The following NKAIN2 variants were observed in gnomAD, a reference collection of about 807,000 sequenced individuals.
The protein encoded by NKAIN2 is sodium/potassium transporting ATPase interacting 2.
Under a neutral mutation model 32.6 loss-of-function variants are expected in NKAIN2, and 14 were observed. The ratio of observed to expected loss-of-function variants is 0.43; its 90% CI spans 0.28 to 0.67. The LOEUF is 0.67. Among genes scored for constraint, NKAIN2 ranks in the 30% least tolerant of loss-of-function variants. The probability of loss-of-function intolerance (pLI) is 0.17; values close to 1 mark genes in which losing one functional copy is unlikely to be tolerated. For synonymous variants in NKAIN2, 80 were observed against 87.2 expected, an observed-to-expected ratio of 0.92 and a Z score of 0.46; for missense variants, 198 against 258.3, an observed-to-expected ratio of 0.77 and a Z score of 1.60.
intron 5 of NKAIN2, among the ~76,000 whole-genome samples, chr6:124,801,271 T>C (rs1163837348): frequency 6.6e-6 from 1 of 152,224 alleles, no homozygotes; most frequent in Non-Finnish European, 1.5e-5. Flanking sequence ...ATTATGCCTT[T>C]GTGGATTTGC....
At chr6:124,502,195 C>G (rs1365616446) in intron 3 of NKAIN2, among the ~76,000 whole-genome samples, 1 of 152,046 alleles carries the variant, frequency 6.6e-6, no homozygotes, top group Non-Finnish European at 1.5e-5. Flanking sequence ...TACTGAATTT[C>G]AAGAGGTAAC....
chr6:124,558,905 T>C (rs912459142), intron 3 of NKAIN2, among the ~76,000 whole-genome samples: 20 of 152,088 alleles, frequency 1.3e-4, no homozygotes, highest in African/African-American at 4.3e-4. Flanking sequence ...GCCAAGATCA[T>C]ACCATTGCGC....
intron 1 of NKAIN2, among the ~76,000 whole-genome samples, chr6:123,968,579 T>G (rs561927848): frequency 1.3e-5 from 2 of 152,188 alleles, no homozygotes; most frequent in Non-Finnish European, 2.9e-5. Context: ...TATTTCTGCC[T>G]GTACAATGGG....
chr6:124,795,282 A>C (rs1779950289), intron 5 of NKAIN2, among the ~76,000 whole-genome samples: 1 of 152,188 alleles, frequency 6.6e-6, no homozygotes, highest in Non-Finnish European at 1.5e-5. Context: ...GAAGCTGATC[A>C]GTTATGTGCT....
chr6:124,045,365 C>A (rs1562326525), intron 1 of NKAIN2, among the ~76,000 whole-genome samples: 1 of 151,866 alleles, frequency 6.6e-6, no homozygotes, highest in Non-Finnish European at 1.5e-5. Context: ...TGAAAGAATG[C>A]ATGTCCTCTT....
At chr6:124,506,291 T>C (rs544131468) in intron 3 of NKAIN2, among the ~76,000 whole-genome samples, 37 of 152,356 alleles carry the variant, frequency 2.4e-4, no homozygotes, top group African/African-American at 8.7e-4. Context: ...TTCTGGCCTT[T>C]TTATATTGCC....
chr6:124,034,855 A>G (rs1471062726), intron 1 of NKAIN2, among the ~76,000 whole-genome samples: 1 of 151,902 alleles, frequency 6.6e-6, no homozygotes, highest in Non-Finnish European at 1.5e-5. Flanking sequence ...TTTAATTTAT[A>G]TTTCTCTGAA....
At chr6:124,222,692 G>A (rs967477478) in intron 1 of NKAIN2, among the ~76,000 whole-genome samples, 2 of 152,164 alleles carry the variant, frequency 1.3e-5, no homozygotes, top group Non-Finnish European at 2.9e-5. Flanking sequence ...AAAGACTGAG[G>A]AGGAGAGGCC....
At chr6:124,201,248 A>G (rs1342407916) in intron 1 of NKAIN2, among the ~76,000 whole-genome samples, 1 of 151,972 alleles carries the variant, frequency 6.6e-6, no homozygotes, top group Non-Finnish European at 1.5e-5. Flanking sequence ...TGGGGGGGCG[A>G]TGGTGATTAA....
Position 124,249,061 on chromosome 6 carries a change from A to T in NKAIN2, c.55-33944A>T, listed in dbSNP as rs149685559. Among the ~76,000 whole-genome samples the T allele has an allele frequency of 2.7e-3, 410 of 152,258 alleles. 1 individual carries two copies. The highest frequency in any genetic ancestry group is 9.3e-3 in the African/African-American group (385 of 41,578). On this transcript the variant is annotated intron_variant, in intron 1 of 6. Coordinates refer to ENST00000368417, the MANE Select transcript of NKAIN2 (RefSeq NM_001040214.3). ...TATTAAATCTCAATAAATAGTGAAG[A>T]AGAACTGTTGGTCTGGTTCTTTAAA...
intron 1 of NKAIN2, chr6:124,122,030 T>G: frequency 4.3e-6 from 1 of 234,776 alleles, no homozygotes; most frequent in Non-Finnish European, 7.7e-6. Context: ...GTGTTCATGT[T>G]TCACTAAGAT....
At chr6:123,851,793 C>G (rs147694349) in intron 1 of NKAIN2, among the ~76,000 whole-genome samples, 1 of 152,056 alleles carries the variant, frequency 6.6e-6, no homozygotes, top group Non-Finnish European at 1.5e-5. Context: ...TTAAGTCTTG[C>G]GATAGAGTTC....
chr6:123,894,178 G>A (rs777764962), intron 1 of NKAIN2, among the ~76,000 whole-genome samples: 41 of 152,088 alleles, frequency 2.7e-4, no homozygotes, highest in Admixed American at 5.9e-4. Flanking sequence ...AAAATGGACA[G>A]TGCTGGGATA....
intron 1 of NKAIN2, among the ~76,000 whole-genome samples, chr6:124,047,863 G>A (rs933873809): frequency 5.3e-5 from 8 of 151,954 alleles, no homozygotes; most frequent in African/African-American, 1.9e-4. Context: ...GCTTGCCTAG[G>A]AAGGTGTGTT....
intron 5 of NKAIN2, among the ~76,000 whole-genome samples, chr6:124,811,315 G>C (rs2114860759): frequency 6.6e-6 from 1 of 152,208 alleles, no homozygotes; most frequent in East Asian, 1.9e-4. Context: ...CCAAAAGGGA[G>C]TATGTTGACT....
At chr6:124,742,661 G>A (rs970442255) in intron 4 of NKAIN2, among the ~76,000 whole-genome samples, 2 of 151,768 alleles carry the variant, frequency 1.3e-5, no homozygotes, top group Non-Finnish European at 2.9e-5. Context: ...CAAGTCGACT[G>A]CCTTAACCTC....
At chr6:124,658,462 A>G (rs1562310097) in intron 4 of NKAIN2, 76 bp downstream of exon 4, 2 of 1,606,626 alleles carry the variant, frequency 1.2e-6, no homozygotes, top group East Asian at 2.2e-5. Context: ...AGTGCACACA[A>G]ATGGAATCTG....
intron 3 of NKAIN2, among the ~76,000 whole-genome samples, chr6:124,632,870 C>T (rs1016572150): frequency 6.6e-6 from 1 of 152,138 alleles, no homozygotes; most frequent in African/African-American, 2.4e-5. Context: ...TCTTTAAAAG[C>T]TTCTTCATCC....
chr6:124,114,412 T>TA (rs1047624097), intron 1 of NKAIN2, among the ~76,000 whole-genome samples: 15 of 152,016 alleles, frequency 9.9e-5, no homozygotes, highest in African/African-American at 3.6e-4. Flanking sequence ...AAAAGGAATA[T>TA]AAAAAATTCA....
Sources: allele counts gnomAD v4.1 joint callset (sites outside exome capture counted in the v4.1 genomes callset), GRCh38; gene constraint gnomAD v4.1.1; transcripts MANE v1.5; gene names NCBI Gene and HGNC (gene_info 2026-07-23, HGNC 2026-07-21).